Variants in PRKCE observed in about 807,000 individuals in gnomAD.
The protein encoded by PRKCE is protein kinase C epsilon, also known as protein kinase C epsilon type.
A neutral mutation model predicts 85.4 loss-of-function variants in PRKCE; 16 were observed. The ratio of observed to expected loss-of-function variants is 0.19; its 90% CI spans 0.13 to 0.28. PRKCE has a LOEUF of 0.28. Ranked by LOEUF, PRKCE falls within the 10% of genes least tolerant of loss-of-function variation. The pLI, the probability that PRKCE is intolerant of heterozygous loss-of-function variation, is 1.00. For synonymous variants in PRKCE, 388 were observed against 371.5 expected, an observed-to-expected ratio of 1.04 and a Z score of -0.51; for missense variants, 573 against 975.2, an observed-to-expected ratio of 0.59 and a Z score of 5.49.
chr2:45,729,224 A>T (rs1452936457), intron 1 of PRKCE, among the ~76,000 whole-genome samples: 10 of 152,166 alleles, frequency 6.6e-5, no homozygotes. Flanking sequence ...TGGTTAATTC[A>T]CATAGGGCGG....
At position 45,755,668 on chromosome 2, in the gene PRKCE, C is replaced by T. The variant is rs149553728; in HGVS notation, c.349-87332C>T. Among the ~76,000 whole-genome samples the T allele has an allele frequency of 5.3e-5, 8 of 152,318 alleles. No individual in the cohort carries two copies. The South Asian group carries it at 6.2e-4, about 12-fold the overall frequency. ...TGGATTTTATGCTGCATGAGGGCAG[C>T]GATTCCCCTTGATTTCTCTGTCTAT... On this transcript the variant is annotated intron_variant, in intron 1 of 14. Transcript: ENST00000306156.
chr2:46,048,099 C>T (rs1286408730), intron 10 of PRKCE, among the ~76,000 whole-genome samples: 1 of 122,586 alleles, frequency 8.2e-6, no homozygotes, highest in Non-Finnish European at 1.7e-5. Context: ...ATGAGCCTGC[C>T]TGCCACCCCT....
At chr2:45,846,255 C>G (rs1266213343) in intron 2 of PRKCE, among the ~76,000 whole-genome samples, 1 of 152,282 alleles carries the variant, frequency 6.6e-6, no homozygotes, top group East Asian at 1.9e-4. Context: ...AGTATTTCTT[C>G]CCTTCATATG....
intron 1 of PRKCE, among the ~76,000 whole-genome samples, chr2:45,664,643 G>T (rs1675828642): frequency 6.6e-6 from 1 of 152,184 alleles, no homozygotes; most frequent in Non-Finnish European, 1.5e-5. Context: ...TCCTAGGGTG[G>T]GAGGTGAGGG....
chr2:46,088,277 C>A (rs1669835426), intron 11 of PRKCE, among the ~76,000 whole-genome samples: 1 of 152,170 alleles, frequency 6.6e-6, no homozygotes, highest in South Asian at 2.1e-4. Flanking sequence ...CTTAGCTTTT[C>A]TCAAACTCAC....
chr2:46,108,158 C>A (rs571934898), intron 11 of PRKCE, among the ~76,000 whole-genome samples: 2 of 152,244 alleles, frequency 1.3e-5, no homozygotes, highest in South Asian at 4.2e-4. Context: ...TAACTCTTGG[C>A]CTCAAGCAAC....
intron 2 of PRKCE, among the ~76,000 whole-genome samples, chr2:45,901,355 G>A (rs1017446450): frequency 1.3e-5 from 2 of 152,316 alleles, no homozygotes; most frequent in East Asian, 1.9e-4. Context: ...ACCTGGTCAT[G>A]TTTTCATCTA....
chr2:45,980,009 A>G (rs747157044), intron 4 of PRKCE, among the ~76,000 whole-genome samples: 2 of 152,134 alleles, frequency 1.3e-5, no homozygotes, highest in Non-Finnish European at 2.9e-5. Flanking sequence ...ACCTTGGCGT[A>G]TTGAAGTGAG....
chr2:46,031,192 G>A (rs1045987413), intron 10 of PRKCE, among the ~76,000 whole-genome samples: 2 of 152,166 alleles, frequency 1.3e-5, no homozygotes, highest in Non-Finnish European at 1.5e-5. Flanking sequence ...TTTTGTGACC[G>A]TATTTTGAGA....
At chr2:45,858,188 A>T (rs1476830434) in intron 2 of PRKCE, among the ~76,000 whole-genome samples, 1 of 152,212 alleles carries the variant, frequency 6.6e-6, no homozygotes, top group Non-Finnish European at 1.5e-5. Flanking sequence ...GCCTGTAACG[A>T]TGGCCCTTCT....
chr2:46,052,993 A>G (rs1708951204), intron 10 of PRKCE, among the ~76,000 whole-genome samples: 1 of 152,258 alleles, frequency 6.6e-6, no homozygotes, highest in Non-Finnish European at 1.5e-5. Flanking sequence ...TTATAAACCT[A>G]AACGTAAGAG....
intron 2 of PRKCE, among the ~76,000 whole-genome samples, chr2:45,891,753 T>C (rs1695737637): frequency 6.6e-6 from 1 of 152,332 alleles, no homozygotes; most frequent in South Asian, 2.1e-4. Context: ...CTGCTTCCTC[T>C]CCCTTCTTCT....
intron 14 of PRKCE, chr2:46,164,640 G>A (rs1678142909): frequency 6.6e-6 from 1 of 152,600 alleles, no homozygotes; most frequent in African/African-American, 2.4e-5. Flanking sequence ...TTTGTCAGGT[G>A]GTTGGTGCTG....
intron 1 of PRKCE, among the ~76,000 whole-genome samples, chr2:45,823,594 G>A (rs1689711190): frequency 6.6e-6 from 1 of 152,228 alleles, no homozygotes; most frequent in Non-Finnish European, 1.5e-5. Context: ...GTCGGGGGTA[G>A]GGAGCAGAAA....
At chr2:46,036,588 T>G (rs1447705956) in intron 10 of PRKCE, among the ~76,000 whole-genome samples, 2 of 152,002 alleles carry the variant, frequency 1.3e-5, no homozygotes, top group Non-Finnish European at 2.9e-5. Flanking sequence ...AGACCTTGTC[T>G]CAAAAATAAG....
At chr2:45,995,236 G>T (rs1704120707) in intron 6 of PRKCE, among the ~76,000 whole-genome samples, 2 of 151,976 alleles carry the variant, frequency 1.3e-5, no homozygotes, top group African/African-American at 4.8e-5. Flanking sequence ...TCTGTTACTT[G>T]TCTTTTTATT....
intron 14 of PRKCE, among the ~76,000 whole-genome samples, chr2:46,171,168 C>G (rs1015558299): frequency 2.6e-5 from 4 of 152,200 alleles, no homozygotes; most frequent in Non-Finnish European, 5.9e-5. Context: ...ACTGCAGGGC[C>G]TGGCTCAGCA....
At chr2:45,668,634 A>T (rs537067986) in intron 1 of PRKCE, among the ~76,000 whole-genome samples, 27 of 151,958 alleles carry the variant, frequency 1.8e-4, no homozygotes, top group Non-Finnish European at 2.9e-4. Flanking sequence ...AAAGTACTAC[A>T]TTCACAGTTT....
chr2:46,013,745 A>G (rs1359789254), intron 10 of PRKCE, among the ~76,000 whole-genome samples: 2 of 152,178 alleles, frequency 1.3e-5, no homozygotes, highest in Non-Finnish European at 2.9e-5. Flanking sequence ...AGTCGAGTTT[A>G]ATTATTTTTA....
Sources: gnomAD v4.1 joint callset for allele counts (sites outside exome capture counted in the v4.1 genomes callset) on GRCh38, gnomAD v4.1.1 for gene constraint, MANE v1.5 for transcripts, NCBI Gene and HGNC (gene_info 2026-07-23, HGNC 2026-07-21) for gene names.